APPL1: variants seen among roughly 807,000 people sequenced by gnomAD.
The protein encoded by APPL1 is adaptor protein, phosphotyrosine interacting with PH domain and leucine zipper 1.
A neutral mutation model predicts 106.8 loss-of-function variants in APPL1; 42 were observed. The ratio of observed to expected loss-of-function variants is 0.39; its 90% CI spans 0.31 to 0.51. The LOEUF (loss-of-function observed/expected upper bound fraction) is 0.51. Among genes scored for constraint, APPL1 ranks in the 20% least tolerant of loss-of-function variants. APPL1 has a pLI of 0.75. For synonymous variants in APPL1, 263 were observed against 281.8 expected, an observed-to-expected ratio of 0.93 and a Z score of 0.67; for missense variants, 769 against 858.2, an observed-to-expected ratio of 0.90 and a Z score of 1.30.
chr3:57,260,477 T>C, intron 18 of APPL1, 151 bp from the exon 19 acceptor site: 1 of 673,586 alleles, frequency 1.5e-6, no homozygotes, highest in South Asian at 3.8e-5. Context: ...AATATGACAT[T>C]ACTTGTTTCT....
chr3:57,242,045 C>A, intron 5 of APPL1, 56 bp from the exon 6 acceptor site: 1 of 1,283,392 alleles, frequency 7.8e-7, no homozygotes, highest in Non-Finnish European at 1.1e-6. Context: ...TATTGTTTTC[C>A]AAACAAATGT....
At position 57,272,705 on chromosome 3, in the gene APPL1, T is replaced by G. The variant is rs1211843696; in HGVS notation, c.*3018T>G. On this transcript the variant is annotated 3_prime_UTR_variant, in exon 22 of 22. Coordinates refer to ENST00000288266, the MANE Select transcript of APPL1 (RefSeq NM_012096.3). ...AACTCCGCCTCCCAGGTTCACGCCA[T>G]TCTCCTGCCTCAGCCTCCCGAGTAG... The G allele has an allele frequency of 6.6e-6, 1 of 152,276 alleles. No homozygotes were observed. The highest frequency in any genetic ancestry group is 1.5e-5 in the Non-Finnish European group (1 of 68,158). 9.4% of individuals were successfully genotyped at this position (152,276 alleles called of 1,614,324 possible). A position where few individuals can be genotyped will look rare whatever the true frequency, so the allele number is the denominator to read the frequency against.
At chr3:57,245,709 AT>A (rs991264861) in intron 7 of APPL1, among the ~76,000 whole-genome samples, 2 of 150,358 alleles carry the variant, frequency 1.3e-5, no homozygotes, top group African/African-American at 4.9e-5. Context: ...CACCTGGCTA[AT>A]TTTTTTTTCC....
At position 57,231,355 on chromosome 3, in the gene APPL1, A is replaced by AG. The variant is rs1334869802; in HGVS notation, c.54+3418_54+3419insG. On this transcript the variant is annotated intron_variant, in intron 1 of 21. Transcript: ENST00000288266. The stretch of plus-strand genomic sequence containing the variant: ...CTCCGTCTCAAAAAAAAAAAAAAAA[A>AG]AAAAGAAAATTTTTTTTTTGTAAAG... Among the ~76,000 whole-genome samples, 104 of 150,574 alleles carry AG rather than the reference A, an allele frequency of 6.9e-4. No homozygotes were observed. The East Asian group carries it at 0.017, about 24-fold the overall frequency.
In APPL1 at chr3:57,234,296, C is replaced by CTTTT. The variant is rs1212693146; in HGVS notation, c.55-1254_55-1251dup. On this transcript the variant is annotated intron_variant, in intron 1 of 21. Coordinates refer to ENST00000288266, the MANE Select transcript of APPL1 (RefSeq NM_012096.3). ...TCTTTGACAAATTTTTATTGACATT[C>CTTTT]TTTTTTTTTTTTTTTTTTTGAGACG... is the stretch of plus-strand genomic sequence containing the variant. Among the ~76,000 whole-genome samples the CTTTT allele has an allele frequency of 3.2e-4, 40 of 124,182 alleles. 1 individual carries two copies. The highest frequency in any genetic ancestry group is 1.1e-3 in the African/African-American group (35 of 31,034). The allele number at this position is 124,182 out of a possible 152,430, so 81.5% of individuals were successfully genotyped here.
intron 19 of APPL1, among the ~76,000 whole-genome samples, chr3:57,262,844 GTGTA>G (rs2060874438): frequency 2.0e-5 from 2 of 97,994 alleles, no homozygotes; most frequent in African/African-American, 8.4e-5. Context: ...GTGTGTGTGT[GTGTA>G]TGCATTTTTT....
At chr3:57,253,805 TATTA>T (rs1467598065) in intron 13 of APPL1, 67 bp downstream of exon 13, 1 of 1,277,272 alleles carries the variant, frequency 7.8e-7, no homozygotes, top group Non-Finnish European at 1.0e-6. Flanking sequence ...TACATGTTTT[TATTA>T]ATTCATAATT....
rs2060933780 is a variant in APPL1 at position 57,270,951 on chromosome 3, T to A, written c.*1264T>A. The A allele has an allele frequency of 6.6e-6, 1 of 152,016 alleles. No individual in the cohort carries two copies. The highest frequency in any genetic ancestry group is 6.6e-5 in the Admixed American group (1 of 15,234). The allele number at this position is 152,016 out of a possible 1,614,324, so 9.4% of individuals were successfully genotyped here. Reference sequence around the variant, plus strand: ...GCCTATTGTTTATGTTAAACCTTAATTTTTTTTCTGTAATCACTTTTAACA... The same window carrying A: ...GCCTATTGTTTATGTTAAACCTTAAATTTTTTTCTGTAATCACTTTTAACA... On this transcript the variant is annotated 3_prime_UTR_variant, in exon 22 of 22. Transcript: ENST00000288266.
In APPL1 at chr3:57,245,987, C is replaced by A. The variant is rs2060771584; in HGVS notation, c.475-89C>A. On this transcript the variant is annotated intron_variant, in intron 7 of 21. Transcript: ENST00000288266. ...TGATACTCAATTCCTTGGGTAGGCTCTTCTCCACAGCTCCTACTGAAGATA... is the reference window on the plus strand; with the variant it reads ...TGATACTCAATTCCTTGGGTAGGCTATTCTCCACAGCTCCTACTGAAGATA... 9 of 915,574 alleles carry A rather than the reference C, an allele frequency of 9.8e-6. 1 individual carries two copies. In the South Asian group the frequency reaches 2.5e-4, roughly 25 times the overall value. The allele number at this position is 915,574 out of a possible 1,614,324, so 56.7% of individuals were successfully genotyped here. A position where few individuals can be genotyped will look rare whatever the true frequency, so the allele number is the denominator to read the frequency against.
intron 1 of APPL1, among the ~76,000 whole-genome samples, chr3:57,229,807 G>C (rs1039102365): frequency 1.4e-5 from 2 of 145,772 alleles, no homozygotes; most frequent in Admixed American, 7.0e-5. Flanking sequence ...TCTGCCTCCC[G>C]GGTTCAAGTG....
At chr3:57,258,773 T>G in intron 15 of APPL1, 1 of 335,834 alleles carries the variant, frequency 3.0e-6, no homozygotes, top group Non-Finnish European at 5.4e-6. Flanking sequence ...TGGTTTATTA[T>G]GTTGATTTTT....
At chr3:57,251,445 A>G (rs2060804040) in intron 11 of APPL1, among the ~76,000 whole-genome samples, 1 of 151,364 alleles carries the variant, frequency 6.6e-6, no homozygotes, top group Non-Finnish European at 1.5e-5. Flanking sequence ...GAATTGCTTG[A>G]ACCCAGGAGG....
chr3:57,263,495 G>A (rs2060878749), intron 19 of APPL1, among the ~76,000 whole-genome samples: 1 of 148,200 alleles, frequency 6.7e-6, no homozygotes, highest in African/African-American at 2.5e-5. Context: ...CCACAGATAA[G>A]TGAAAACATG....
Position 57,228,067 on chromosome 3 carries a change from C to G in APPL1, c.54+130C>G. The G allele has an allele frequency of 4.1e-6, 3 of 737,458 alleles. No homozygotes were observed. Among genetic ancestry groups the G allele is most frequent in the Non-Finnish European group, 5.5e-6 (3 of 544,060 alleles). The allele number at this position is 737,458 out of a possible 1,614,324, so 45.7% of individuals were successfully genotyped here. A position where few individuals can be genotyped will look rare whatever the true frequency, so the allele number is the denominator to read the frequency against. ...GCCGCCGCCGCCCTAGGTCACCGCC[C>G]GTCGCAGGCCGCGCCCGGAGTTGTG... On this transcript the variant is annotated intron_variant, in intron 1 of 21. Transcript: ENST00000288266. This position sits in a 1 kb window ranked among gnomAD's most constrained non-coding sequence, Gnocchi z 4.6.
At chr3:57,242,079 A>G (rs2060748989) in intron 5 of APPL1, 22 bp from the exon 6 acceptor site, 2 of 1,549,294 alleles carry the variant, frequency 1.3e-6, no homozygotes, top group Non-Finnish European at 1.8e-6. Context: ...GCCAAACTTA[A>G]ATTATTCTTG....
intron 1 of APPL1, among the ~76,000 whole-genome samples, chr3:57,229,147 T>C (rs2060671219): frequency 6.6e-6 from 1 of 152,264 alleles, no homozygotes; most frequent in Non-Finnish European, 1.5e-5. Context: ...TGGTTTATCT[T>C]GACTGCCAGT....
chr3:57,269,914 C>G lies in APPL1; in HGVS notation c.*227C>G, dbSNP rs1424857556. On this transcript the variant is annotated 3_prime_UTR_variant, in exon 22 of 22. Coordinates refer to ENST00000288266, the MANE Select transcript of APPL1 (RefSeq NM_012096.3). ...CTATGTATTAACATCTAAAGGAAACCTGCTCATCTCCCTGAAGCAGACTGC... is the reference window on the plus strand; with the variant it reads ...CTATGTATTAACATCTAAAGGAAACGTGCTCATCTCCCTGAAGCAGACTGC... 2 of 363,598 alleles carry G rather than the reference C, an allele frequency of 5.5e-6. No individual in the cohort carries two copies. Among genetic ancestry groups the G allele is most frequent in the Admixed American group, 4.4e-5 (1 of 22,940 alleles). 22.5% of individuals were successfully genotyped at this position (363,598 alleles called of 1,614,324 possible). A position where few individuals can be genotyped will look rare whatever the true frequency, so the allele number is the denominator to read the frequency against.
At chr3:57,252,179 C>T (rs1192224138) in intron 11 of APPL1, 90 bp from the exon 12 acceptor site, 2 of 1,013,912 alleles carry the variant, frequency 2.0e-6, no homozygotes, top group African/African-American at 1.6e-5. Context: ...TTTATATATG[C>T]CTTTAACTTT....
chr3:57,233,496 A>G (rs1476998736), intron 1 of APPL1, among the ~76,000 whole-genome samples: 1 of 151,908 alleles, frequency 6.6e-6, no homozygotes, highest in Non-Finnish European at 1.5e-5. Context: ...GAAAAAAAAA[A>G]AACAAAACAG....
Sources: allele counts gnomAD v4.1 joint callset (sites outside exome capture counted in the v4.1 genomes callset), GRCh38; gene constraint gnomAD v4.1.1; non-coding constraint Gnocchi (gnomAD v3.1); transcripts MANE v1.5; gene names NCBI Gene and HGNC (gene_info 2026-07-23, HGNC 2026-07-21).